KCNMB4: variants seen among roughly 807,000 people sequenced by gnomAD.
KCNMB4 encodes potassium calcium-activated channel subfamily M regulatory beta subunit 4.
In KCNMB4, 3 loss-of-function variants were observed where a neutral mutation model predicts 20.7. The ratio of observed to expected loss-of-function variants is 0.14; its 90% confidence interval spans 0.07 to 0.37. The LOEUF (loss-of-function observed/expected upper bound fraction) is 0.37, where lower values mean the gene tolerates loss of function less well. Among genes scored for constraint, KCNMB4 ranks in the 10% least tolerant of loss-of-function variants. The pLI, the probability that KCNMB4 is intolerant of heterozygous loss-of-function variation, is 1.00. For synonymous variants in KCNMB4, 110 were observed against 113.4 expected (o/e 0.97, Z 0.19); for missense variants, 168 against 265.9 (o/e 0.63, Z 2.56).
At chr12:70,383,386 G>A (rs947122759) in intron 1 of KCNMB4, among the ~76,000 whole-genome samples, 4 of 152,184 alleles carry the variant, frequency 2.6e-5, no homozygotes, top group Admixed American at 2.6e-4. Context: ...GGCAATATGG[G>A]GATGTGGGCA....
intron 1 of KCNMB4, among the ~76,000 whole-genome samples, chr12:70,377,694 A>G (rs1354225758): frequency 1.3e-5 from 2 of 152,164 alleles, no homozygotes; most frequent in Admixed American, 6.5e-5. Context: ...ACTCCTTTCA[A>G]AATTGGAGTC....
chr12:70,383,307 AAG>A (rs781648393), intron 1 of KCNMB4, among the ~76,000 whole-genome samples: 5 of 152,204 alleles, frequency 3.3e-5, no homozygotes, highest in Non-Finnish European at 5.9e-5. Context: ...AAGGGGAAAA[AAG>A]AAATATTAAT....
intron 1 of KCNMB4, among the ~76,000 whole-genome samples, chr12:70,398,730 T>C (rs914740552): frequency 6.6e-6 from 1 of 152,194 alleles, no homozygotes; most frequent in Admixed American, 6.5e-5. Flanking sequence ...TTTTTGCAGT[T>C]TCACCATTAG....
chr12:70,367,100 C>T (rs764466266), intron 1 of KCNMB4, 30 bp downstream of exon 1: 9 of 1,472,446 alleles, frequency 6.1e-6, no homozygotes, highest in Non-Finnish European at 4.5e-6. Context: ...CCAGGGGCTC[C>T]CCGCGAGGGA....
intron 1 of KCNMB4, among the ~76,000 whole-genome samples, chr12:70,381,382 A>G (rs1225929317): frequency 1.3e-5 from 2 of 152,226 alleles, no homozygotes; most frequent in African/African-American, 4.8e-5. Context: ...TCCTAATTAT[A>G]TATCCAAGAG....
At chr12:70,406,837 C>T (rs1261575854) in intron 2 of KCNMB4, among the ~76,000 whole-genome samples, 9 of 152,134 alleles carry the variant, frequency 5.9e-5, no homozygotes, top group Admixed American at 5.9e-4. Flanking sequence ...AAGGACTATT[C>T]CTCCAGAAGT....
intron 2 of KCNMB4, among the ~76,000 whole-genome samples, chr12:70,405,173 G>A (rs907122492): frequency 1.1e-4 from 16 of 152,078 alleles, no homozygotes; most frequent in Admixed American, 1.3e-4. Flanking sequence ...AAATAGCAAA[G>A]AAAACACTCA....
chr12:70,372,479 G>A (rs1173414125), intron 1 of KCNMB4, among the ~76,000 whole-genome samples: 1 of 152,188 alleles, frequency 6.6e-6, no homozygotes, highest in Non-Finnish European at 1.5e-5. Context: ...AGATGGTGGT[G>A]GCTTAGATCA....
intron 1 of KCNMB4, among the ~76,000 whole-genome samples, chr12:70,396,744 G>A (rs945928744): frequency 9.8e-5 from 15 of 152,310 alleles, no homozygotes; most frequent in South Asian, 4.1e-4. Flanking sequence ...ACGTTACCAT[G>A]TAGGTTGTTA....
intron 2 of KCNMB4, among the ~76,000 whole-genome samples, chr12:70,404,474 A>T (rs567317795): frequency 2.4e-4 from 37 of 152,332 alleles, no homozygotes; most frequent in Middle Eastern, 6.8e-3. Flanking sequence ...CATATGAATA[A>T]ATTGCATATT....
At chr12:70,381,015 G>C (rs2136119443) in intron 1 of KCNMB4, among the ~76,000 whole-genome samples, 1 of 151,262 alleles carries the variant, frequency 6.6e-6, no homozygotes, top group East Asian at 1.9e-4. Context: ...TAAGTGTCTA[G>C]TACCAAGAAA....
intron 2 of KCNMB4, among the ~76,000 whole-genome samples, chr12:70,408,571 C>T (rs574362707): frequency 1.2e-4 from 18 of 151,982 alleles, no homozygotes; most frequent in African/African-American, 4.3e-4. Context: ...GAAGCAGCCC[C>T]GAAGCAGCTG....
At chr12:70,403,667 AT>A (rs1449010638) in intron 2 of KCNMB4, among the ~76,000 whole-genome samples, 2 of 152,244 alleles carry the variant, frequency 1.3e-5, no homozygotes, top group African/African-American at 4.8e-5. Flanking sequence ...AGACCAATTA[AT>A]TAGAATCTTT....
At chr12:70,367,092 A>C in intron 1 of KCNMB4, 22 bp downstream of exon 1, 2 of 1,485,902 alleles carry the variant, frequency 1.3e-6, no homozygotes, top group Non-Finnish European at 1.8e-6. Flanking sequence ...CCGCGCACCC[A>C]GGGGCTCCCC....
intron 2 of KCNMB4, among the ~76,000 whole-genome samples, chr12:70,427,386 G>A (rs908262627): frequency 4.6e-5 from 7 of 152,284 alleles, no homozygotes; most frequent in South Asian, 2.1e-4. Context: ...AATGATAAGC[G>A]TGAGCATTAC....
At chr12:70,378,600 G>A (rs758377281) in intron 1 of KCNMB4, among the ~76,000 whole-genome samples, 1 of 152,088 alleles carries the variant, frequency 6.6e-6, no homozygotes, top group African/African-American at 2.4e-5. Flanking sequence ...ACAATGGTGT[G>A]GTCTTGGCTC....
At position 70,434,215 on chromosome 12, in the gene KCNMB4, G is replaced by A. The variant is rs1007739356; in HGVS notation, c.*3562G>A. 4.6e-5 allele frequency: 7 copies of A among 152,090 alleles called. No individual in the cohort carries two copies. The highest frequency in any genetic ancestry group is 1.4e-4 in the African/African-American group (6 of 41,388). The allele number at this position is 152,090 out of a possible 1,614,324, so 9.4% of individuals were successfully genotyped here. A position where few individuals can be genotyped will look rare whatever the true frequency, so the allele number is the denominator to read the frequency against. ...GGATAAAAGCCAAACCAATTAAGCC[G>A]TTTCTCGACCCTCCTGGGAGCCTGC... On this transcript the variant is annotated 3_prime_UTR_variant, in exon 3 of 3. Transcript: ENST00000258111.
intron 2 of KCNMB4, among the ~76,000 whole-genome samples, chr12:70,403,791 T>C (rs553005262): frequency 1.3e-5 from 2 of 152,348 alleles, no homozygotes; most frequent in African/African-American, 4.8e-5. Flanking sequence ...ATTACTGGAA[T>C]TGTTTGTATG....
chr12:70,419,969 G>A (rs542270874), intron 2 of KCNMB4, among the ~76,000 whole-genome samples: 1 of 152,238 alleles, frequency 6.6e-6, no homozygotes, highest in Admixed American at 6.5e-5. Context: ...CTTTGGGCAG[G>A]TGTGTCTTGT....
Sources: gnomAD v4.1 joint callset for allele counts (sites outside exome capture counted in the v4.1 genomes callset) on GRCh38, gnomAD v4.1.1 for gene constraint, MANE v1.5 for transcripts, NCBI Gene and HGNC (gene_info 2026-07-23, HGNC 2026-07-21) for gene names.